The following ACTL8 variants were observed in gnomAD, a reference collection of about 807,000 sequenced individuals.
ACTL8 encodes the protein actin-like protein 8.
Under a neutral mutation model 9.3 loss-of-function variants are expected in ACTL8, and 3 were observed. That is an observed-to-expected ratio of 0.32 (90% CI 0.15 to 0.83). ACTL8 has a LOEUF of 0.83. Ranked by LOEUF, ACTL8 falls within the 40% of genes least tolerant of loss-of-function variation. The probability of loss-of-function intolerance (pLI) is 0.57; values close to 1 mark genes in which losing one functional copy is unlikely to be tolerated. For synonymous variants in ACTL8, 224 were observed against 205.9 expected (o/e 1.09, Z -0.75); for missense variants, 381 against 492.2 (o/e 0.77, Z 2.14).
chr1:17,824,071 G>C (rs895526209), intron 2 of ACTL8, among the ~76,000 whole-genome samples: 1 of 152,156 alleles, frequency 6.6e-6, no homozygotes, highest in African/African-American at 2.4e-5. Context: ...CCTGTTTGAA[G>C]AGAGCGCTCA....
chr1:17,825,945 C>G lies in ACTL8; in HGVS notation c.527C>G (p.Ala176Gly). The change falls in exon 3 of 3, where the codon GCC (alanine) becomes GGC (glycine). Residue 176 changes from alanine (A) to glycine (G), a missense_variant. By Grantham distance (60) the Ala-to-Gly change is moderately conservative. Coordinates refer to ENST00000375406, the MANE Select transcript of ACTL8 (RefSeq NM_030812.3). ...LPASGKTLEF[A>G]GQDLSAYLLK... ...GCCAGCGGCAAGACGCTGGAGTTCGCCGGCCAGGATCTCTCCGCCTATCTC... is the reference window on the plus strand; with the variant it reads ...GCCAGCGGCAAGACGCTGGAGTTCGGCGGCCAGGATCTCTCCGCCTATCTC... The G allele has an allele frequency of 6.2e-7, 1 of 1,611,336 alleles. No homozygotes were observed.
chr1:17,757,654 C>T (rs922597248), intron 1 of ACTL8, among the ~76,000 whole-genome samples: 1 of 152,186 alleles, frequency 6.6e-6, no homozygotes, highest in Non-Finnish European at 1.5e-5. Flanking sequence ...GTGGTCAGAT[C>T]TCAGCATGTT....
At position 17,823,390 on chromosome 1, in the gene ACTL8, G is replaced by A; in HGVS notation, c.348+34G>A. On this transcript the variant is annotated intron_variant, in intron 2 of 2. Coordinates refer to ENST00000375406, the MANE Select transcript of ACTL8 (RefSeq NM_030812.3). The surrounding 1 kb of genome is among the most constrained non-coding windows in gnomAD (Gnocchi z 5.3). ...TGCCGGGGCCTGCTCCCACTCGGGAGCGGGAAACAGACTGACACTATGTCT... is the reference window on the plus strand; with the variant it reads ...TGCCGGGGCCTGCTCCCACTCGGGAACGGGAAACAGACTGACACTATGTCT... 1 of 1,573,794 alleles carries A rather than the reference G, an allele frequency of 6.4e-7. No individual in the cohort carries two copies. Among genetic ancestry groups the A allele is most frequent in the African/African-American group, 1.4e-5 (1 of 74,046 alleles).
intron 1 of ACTL8, among the ~76,000 whole-genome samples, chr1:17,817,398 T>C (rs1167575601): frequency 6.6e-6 from 1 of 152,348 alleles, no homozygotes; most frequent in South Asian, 2.1e-4. Flanking sequence ...TCAATGGACA[T>C]GCTTTAGCCA....
chr1:17,813,177 T>C (rs777003257), intron 1 of ACTL8, among the ~76,000 whole-genome samples: 6 of 152,248 alleles, frequency 3.9e-5, no homozygotes, highest in Non-Finnish European at 8.8e-5. Flanking sequence ...TTCAGTTCAA[T>C]GTTGAATATG....
At chr1:17,761,054 T>C (rs912090826) in intron 1 of ACTL8, among the ~76,000 whole-genome samples, 2 of 147,360 alleles carry the variant, frequency 1.4e-5, no homozygotes, top group Non-Finnish European at 3.0e-5. Flanking sequence ...GCCAGACTGG[T>C]GGGGGTGGGT....
intron 1 of ACTL8, 61 bp from the exon 2 acceptor site, chr1:17,822,924 G>A: frequency 8.6e-7 from 1 of 1,163,686 alleles, no homozygotes; most frequent in Non-Finnish European, 1.2e-6. Context: ...GGGTAGAGGG[G>A]GAAGCTGCTT....
intron 1 of ACTL8, among the ~76,000 whole-genome samples, chr1:17,787,840 A>T (rs752901164): frequency 6.6e-6 from 1 of 152,198 alleles, no homozygotes; most frequent in African/African-American, 2.4e-5. Context: ...GGATTTCCCC[A>T]GAGGCTGTAA....
intron 1 of ACTL8, among the ~76,000 whole-genome samples, chr1:17,769,913 C>G (rs1044208373): frequency 6.6e-6 from 1 of 152,212 alleles, no homozygotes; most frequent in Middle Eastern, 3.2e-3. Flanking sequence ...AATAGTAGCT[C>G]CATGGCCTGA....
At chr1:17,783,779 A>C (rs1339461312) in intron 1 of ACTL8, among the ~76,000 whole-genome samples, 1 of 152,228 alleles carries the variant, frequency 6.6e-6, no homozygotes, top group Non-Finnish European at 1.5e-5. Flanking sequence ...CTTAAGCTCC[A>C]CTGGCCTACA....
chr1:17,818,442 C>A (rs1004538231), intron 1 of ACTL8, among the ~76,000 whole-genome samples: 5 of 152,314 alleles, frequency 3.3e-5, no homozygotes, highest in Admixed American at 6.5e-5. Context: ...CTGGCCAAGC[C>A]CCCAGTGGCC....
chr1:17,800,583 C>CTT (rs59143238), intron 1 of ACTL8, among the ~76,000 whole-genome samples: 1,137 of 69,170 alleles, frequency 0.016, 220 homozygotes, highest in East Asian at 0.074. Context: ...TGGTGTCAAT[C>CTT]TTTTTTTTTT....
At chr1:17,822,831 G>A (rs1369420309) in intron 1 of ACTL8, among the ~76,000 whole-genome samples, 154 bp from the exon 2 acceptor site, 1 of 152,138 alleles carries the variant, frequency 6.6e-6, no homozygotes, top group East Asian at 1.9e-4. Context: ...TGGGGGGAGT[G>A]TTCCAGGCAC....
chr1:17,784,330 C>T (rs952244697), intron 1 of ACTL8, among the ~76,000 whole-genome samples: 1 of 152,176 alleles, frequency 6.6e-6, no homozygotes, highest in African/African-American at 2.4e-5. Context: ...ATGATCCAGT[C>T]ACCTCCCACC....
chr1:17,819,913 G>C (rs911134164), intron 1 of ACTL8, among the ~76,000 whole-genome samples: 5 of 152,042 alleles, frequency 3.3e-5, no homozygotes, highest in Non-Finnish European at 7.3e-5. Flanking sequence ...GGAGGCTGAG[G>C]TGGGAGGATT....
chr1:17,814,611 T>C (rs539327105), intron 1 of ACTL8, among the ~76,000 whole-genome samples: 1 of 151,458 alleles, frequency 6.6e-6, no homozygotes, highest in East Asian at 1.9e-4. Flanking sequence ...GCAGTACCAG[T>C]TCATAGCATA....
chr1:17,816,356 C>T (rs1453553378), intron 1 of ACTL8, among the ~76,000 whole-genome samples: 1 of 152,110 alleles, frequency 6.6e-6, no homozygotes, highest in East Asian at 1.9e-4. Flanking sequence ...CACACACCAC[C>T]ACATCTGGCT....
chr1:17,783,607 T>C (rs2066173435), intron 1 of ACTL8, among the ~76,000 whole-genome samples: 1 of 152,188 alleles, frequency 6.6e-6, no homozygotes, highest in Admixed American at 6.5e-5. Context: ...CTGGCCTCCT[T>C]GTGTGTCCCT....
chr1:17,817,644 G>A (rs2066434925), intron 1 of ACTL8, among the ~76,000 whole-genome samples: 2 of 151,780 alleles, frequency 1.3e-5, no homozygotes, highest in African/African-American at 4.8e-5. Flanking sequence ...ACAAATCTTT[G>A]TCTACACTAC....
Sources: gnomAD v4.1 joint callset for allele counts (sites outside exome capture counted in the v4.1 genomes callset) on GRCh38, gnomAD v4.1.1 for gene constraint, Gnocchi (gnomAD v3.1) non-coding constraint, MANE v1.5 for transcripts, NCBI Gene and HGNC (gene_info 2026-07-23, HGNC 2026-07-21) for gene names.